TRIM71: variants seen among roughly 807,000 people sequenced by gnomAD.
The protein encoded by TRIM71 is E3 ubiquitin-protein ligase TRIM71.
TRIM71 carries 9 observed loss-of-function variants against 61.2 expected under a neutral mutation model. The observed-to-expected ratio is 0.15, with a 90% confidence interval of 0.09 to 0.26. The LOEUF (loss-of-function observed/expected upper bound fraction) is 0.26. Ranked by LOEUF, TRIM71 falls within the 10% of genes least tolerant of loss-of-function variation. The probability of loss-of-function intolerance (pLI) is 1.00; values close to 1 mark genes in which losing one functional copy is unlikely to be tolerated. For missense variants in TRIM71, 998 were observed against 1,238.7 expected (o/e 0.81, Z 2.92); for synonymous variants, 645 against 553.2 (o/e 1.17, Z -2.33).
At chr3:32,838,404 A>G (rs988357857) in intron 1 of TRIM71, among the ~76,000 whole-genome samples, 1 of 151,622 alleles carries the variant, frequency 6.6e-6, no homozygotes, top group Admixed American at 6.6e-5. Context: ...TTATATTTTT[A>G]GTAGAGACGG....
In TRIM71 at chr3:32,891,241, C is replaced by T; in HGVS notation, c.2037C>T (p.Ile679=). The stretch of plus-strand genomic sequence containing the variant: ...ACAAGGACAATCATCGCATCCAGAT[C>T]TTCACGTTCGAGGGCCAGTTCCTCC... ...VADKDNHRIQ[I]FTFEGQFLLK... Residue 679 remains isoleucine (I), a synonymous_variant, in exon 4 of 4, where the codon ATC becomes ATT. Transcript: ENST00000383763. The surrounding 1 kb of genome is among the most constrained non-coding windows in gnomAD (Gnocchi z 8.2). 1.2e-6 allele frequency: 2 copies of T among 1,613,418 alleles called. No homozygotes were observed. Among genetic ancestry groups the T allele is most frequent in the Non-Finnish European group, 1.7e-6 (2 of 1,179,566 alleles).
chr3:32,818,715 G>T lies in TRIM71; in HGVS notation c.635G>T (p.Cys212Phe). 6.3e-7 allele frequency: 1 copy of T among 1,591,816 alleles called. No individual in the cohort carries two copies. Among genetic ancestry groups the T allele is most frequent in the Non-Finnish European group, 8.5e-7 (1 of 1,175,018 alleles). Residue 212 changes from cysteine to phenylalanine, a missense_variant, in exon 1 of 4, where the codon TGC becomes TTC. Physicochemically the swap from Cys to Phe is radical, Grantham distance 205. This residue lies in a region of TRIM71 where 527 missense variants were observed against 427.8 expected (regional missense o/e 1.23). Coordinates refer to ENST00000383763, the MANE Select transcript of TRIM71 (RefSeq NM_001039111.3). The part of the protein sequence containing the change: ...CDEGNAASSR[C>F]LDCQEHLCDN... Reference sequence around the variant, plus strand: ...GAGGGCAACGCAGCTTCTTCGCGCTGCCTCGACTGCCAGGAGCACCTGTGC... The same window carrying T: ...GAGGGCAACGCAGCTTCTTCGCGCTTCCTCGACTGCCAGGAGCACCTGTGC...
intron 2 of TRIM71, among the ~76,000 whole-genome samples, chr3:32,877,083 A>G (rs549956893): frequency 6.6e-6 from 1 of 152,050 alleles, no homozygotes; most frequent in Admixed American, 6.6e-5. Flanking sequence ...GTGATTTCCT[A>G]GAAAGTTTTT....
In TRIM71 at chr3:32,849,868, A is replaced by C. The variant is rs547648949; in HGVS notation, c.853-23950A>C. ...TGCACGCTCAAAATTTTGCACACTAATTGAGGGGTTGCCAGGCCCTGAGAT... is the reference window on the plus strand; with the variant it reads ...TGCACGCTCAAAATTTTGCACACTACTTGAGGGGTTGCCAGGCCCTGAGAT... On this transcript the variant is annotated intron_variant, in intron 1 of 3. Transcript: ENST00000383763. Among the ~76,000 whole-genome samples, 188 of 152,302 alleles carry C rather than the reference A, an allele frequency of 1.2e-3. 1 individual carries two copies. Among genetic ancestry groups the C allele is most frequent in the Non-Finnish European group, 2.1e-3 (140 of 68,012 alleles).
Position 32,890,875 on chromosome 3 carries a change from G to T in TRIM71, c.1671G>T (p.Glu557Asp). 1 of 1,614,204 alleles carries T rather than the reference G, an allele frequency of 6.2e-7. No homozygotes were observed. Among genetic ancestry groups the T allele is most frequent in the East Asian group, 2.2e-5 (1 of 44,884 alleles). Residue 557 changes from glutamate to aspartate, a missense_variant, in exon 4 of 4, where the codon GAG (glutamate) becomes GAT (aspartate). Physicochemically the swap from Glu to Asp is conservative, Grantham distance 45. Around this residue, in one of 5 missense-constraint regions of TRIM71, gnomAD observed 291 missense variants for 431.2 expected, o/e 0.67. Transcript: ENST00000383763. The surrounding 1 kb of genome is among the most constrained non-coding windows in gnomAD (Gnocchi z 6.2). ...TYVVSYRPQL[E>D]GEHLVSVTLC... ...TGGTGAGTTACCGACCCCAGCTGGA[G>T]GGTGAGCACCTGGTATCTGTGACAC...
intron 2 of TRIM71, among the ~76,000 whole-genome samples, chr3:32,879,387 C>A (rs1696884041): frequency 6.6e-6 from 1 of 152,146 alleles, no homozygotes. Flanking sequence ...TAGCTTTCAG[C>A]CTGTCTGTAG....
chr3:32,854,574 C>T (rs950444783), intron 1 of TRIM71, among the ~76,000 whole-genome samples: 2 of 152,116 alleles, frequency 1.3e-5, no homozygotes, highest in Admixed American at 6.6e-5. Flanking sequence ...GTTTGAATAT[C>T]GTCTTCATTC....
At chr3:32,842,027 T>C (rs1264838910) in intron 1 of TRIM71, among the ~76,000 whole-genome samples, 1 of 152,166 alleles carries the variant, frequency 6.6e-6, no homozygotes, top group Non-Finnish European at 1.5e-5. Context: ...CTACCTGCTT[T>C]GCTCTAGCAC....
At chr3:32,889,769 T>C (rs1181187941) in intron 3 of TRIM71, among the ~76,000 whole-genome samples, 1 of 151,994 alleles carries the variant, frequency 6.6e-6, no homozygotes, top group African/African-American at 2.4e-5. Context: ...TTTGTTATTT[T>C]TAGTAGAGAC....
chr3:32,832,070 T>C (rs550013451), intron 1 of TRIM71, among the ~76,000 whole-genome samples: 2 of 152,222 alleles, frequency 1.3e-5, no homozygotes, highest in African/African-American at 4.8e-5. Flanking sequence ...TTTGGGAATA[T>C]AAAACTGAAA....
chr3:32,826,841 C>G (rs942091613), intron 1 of TRIM71, among the ~76,000 whole-genome samples: 1 of 152,022 alleles, frequency 6.6e-6, no homozygotes. Flanking sequence ...CAGCTCACTG[C>G]AAGCTCTGCC....
chr3:32,835,063 A>G (rs1696319937), intron 1 of TRIM71, among the ~76,000 whole-genome samples: 1 of 152,206 alleles, frequency 6.6e-6, no homozygotes, highest in African/African-American at 2.4e-5. Context: ...TATGTAAAAC[A>G]TCAAATGGAA....
At chr3:32,829,676 G>A (rs1041750349) in intron 1 of TRIM71, among the ~76,000 whole-genome samples, 30 of 151,812 alleles carry the variant, frequency 2.0e-4, no homozygotes, top group Non-Finnish European at 4.0e-4. Context: ...GTGTGCATTG[G>A]AGGAGGCATC....
chr3:32,823,400 G>T (rs1401795104), intron 1 of TRIM71, among the ~76,000 whole-genome samples: 1 of 152,182 alleles, frequency 6.6e-6, no homozygotes, highest in East Asian at 1.9e-4. Flanking sequence ...GGCTGTTGTG[G>T]TATCAGCACT....
Position 32,890,458 on chromosome 3 carries a change from G to A in TRIM71, c.1254G>A (p.Val418=). The part of the protein sequence containing the change: ...LNKLESTISA[V]QQVLEEGRAL... ...AGCTTGAGAGCACCATCAGTGCCGT[G>A]CAGCAGGTCCTGGAGGAGGGTAGAG... Residue 418 remains valine, a synonymous_variant, in exon 4 of 4, where the codon GTG becomes GTA. Transcript: ENST00000383763. The surrounding 1 kb of genome is among the most constrained non-coding windows in gnomAD (Gnocchi z 6.2). The A allele has an allele frequency of 6.2e-7, 1 of 1,614,222 alleles. No homozygotes were observed.
intron 1 of TRIM71, among the ~76,000 whole-genome samples, chr3:32,865,055 C>T (rs980666522): frequency 2.6e-5 from 4 of 152,088 alleles, no homozygotes; most frequent in African/African-American, 9.7e-5. Flanking sequence ...CAGGGCCAGG[C>T]GCAGTGGCTC....
At chr3:32,859,669 G>T (rs77144254) in intron 1 of TRIM71, among the ~76,000 whole-genome samples, 2,584 of 152,156 alleles carry the variant, frequency 0.017, 64 homozygotes, top group East Asian at 0.12. Flanking sequence ...ACATTTCCCT[G>T]CCCGGAATGC....
chr3:32,818,113 C>T lies in TRIM71; in HGVS notation c.33C>T (p.Ile11=), dbSNP rs376420438. Residue 11 remains isoleucine, a synonymous_variant, in exon 1 of 4, where the codon ATC becomes ATT. Transcript: ENST00000383763. MASFPETDFQ[I]CLLCKEMCGS... ...CGTTCCCCGAGACCGATTTCCAGATCTGCTTGCTGTGCAAGGAGATGTGCG... is the reference window on the plus strand; with the variant it reads ...CGTTCCCCGAGACCGATTTCCAGATTTGCTTGCTGTGCAAGGAGATGTGCG... 5.6e-5 allele frequency: 90 copies of T among 1,612,250 alleles called. No homozygotes were observed. Among genetic ancestry groups the T allele is most frequent in the Non-Finnish European group, 7.0e-5 (83 of 1,179,082 alleles).
chr3:32,842,097 GGGA>G (rs1232391384), intron 1 of TRIM71, among the ~76,000 whole-genome samples: 1 of 152,200 alleles, frequency 6.6e-6, no homozygotes, highest in African/African-American at 2.4e-5. Context: ...AGGGAGAGAA[GGGA>G]GAAGAGAAAG....
Sources: gnomAD v4.1 joint callset for allele counts (sites outside exome capture counted in the v4.1 genomes callset) on GRCh38, gnomAD v4.1.1 for gene constraint, gnomAD v4.1.1 regional missense constraint, Gnocchi (gnomAD v3.1) non-coding constraint, MANE v1.5 for transcripts, NCBI Gene and HGNC (gene_info 2026-07-23, HGNC 2026-07-21) for gene names.